The following ST3GAL1 variants were observed in gnomAD, a reference collection of about 807,000 sequenced individuals.
ST3GAL1 encodes ST3 beta-galactoside alpha-2,3-sialyltransferase 1, also known as CMP-N-acetylneuraminate-beta-galactosamide-alpha-2,3-sialyltransferase 1.
Under a neutral mutation model 34.1 loss-of-function variants are expected in ST3GAL1, and 16 were observed. The observed-to-expected ratio is 0.47, with a 90% CI of 0.32 to 0.71. ST3GAL1 has a LOEUF of 0.71. Among genes scored for constraint, ST3GAL1 ranks in the 30% least tolerant of loss-of-function variants. The pLI, the probability that ST3GAL1 is intolerant of heterozygous loss-of-function variation, is 0.04. For synonymous variants in ST3GAL1, 191 were observed against 184.7 expected, an observed-to-expected ratio of 1.03 and a Z score of -0.28; for missense variants, 353 against 447.4, an observed-to-expected ratio of 0.79 and a Z score of 1.90.
intron 1 of ST3GAL1, among the ~76,000 whole-genome samples, chr8:133,552,708 T>C (rs1302332179): frequency 2.0e-5 from 3 of 152,158 alleles, no homozygotes; most frequent in African/African-American, 7.2e-5. Context: ...ATAACCTCTC[T>C]CTCTGAAATG....
intron 1 of ST3GAL1, among the ~76,000 whole-genome samples, chr8:133,552,613 A>G (rs954033012): frequency 1.3e-5 from 2 of 152,198 alleles, no homozygotes; most frequent in Admixed American, 6.5e-5. Flanking sequence ...CCAGAGGCCA[A>G]CTTGGCTGAT....
At chr8:133,541,120 T>G (rs201249451) in intron 2 of ST3GAL1, among the ~76,000 whole-genome samples, 32,566 of 48,548 alleles carry the variant, frequency 0.67, 11,566 homozygotes, top group Middle Eastern at 0.85. Context: ...TATATATATA[T>G]AGAGAGAGAG....
At chr8:133,541,102 T>TAAACATATATATATATATATAAAC (rs1818506962) in intron 2 of ST3GAL1, among the ~76,000 whole-genome samples, 2 of 44,002 alleles carry the variant, frequency 4.5e-5, no homozygotes, top group African/African-American at 3.1e-4. Context: ...TAAACATATA[T>TAAACATATATATATATATATAAAC]ATATATATAT....
intron 2 of ST3GAL1, among the ~76,000 whole-genome samples, chr8:133,535,525 A>ATTTTT (rs112708766): frequency 6.9e-6 from 1 of 144,936 alleles, no homozygotes; most frequent in African/African-American, 2.7e-5. Flanking sequence ...GTATTTTTTA[A>ATTTTT]TTTTTTTTTT....
At chr8:133,463,323 G>C in intron 8 of ST3GAL1, 91 bp downstream of exon 8, 1 of 1,447,632 alleles carries the variant, frequency 6.9e-7, no homozygotes, top group Non-Finnish European at 9.6e-7. Flanking sequence ...GGGATCTGGG[G>C]GCTGTCTTGC....
At chr8:133,472,394 T>A (rs1256266392) in intron 5 of ST3GAL1, among the ~76,000 whole-genome samples, 1 of 152,070 alleles carries the variant, frequency 6.6e-6, no homozygotes, top group East Asian at 1.9e-4. Context: ...CATGATTAAT[T>A]ATCTCCCACC....
chr8:133,518,528 T>C (rs1175136170), intron 2 of ST3GAL1, among the ~76,000 whole-genome samples: 1 of 152,204 alleles, frequency 6.6e-6, no homozygotes, highest in Non-Finnish European at 1.5e-5. Flanking sequence ...ATTTGATGCT[T>C]AAATCTTATC....
chr8:133,522,716 T>A (rs1478187943), intron 2 of ST3GAL1, among the ~76,000 whole-genome samples: 2 of 152,118 alleles, frequency 1.3e-5, no homozygotes, highest in African/African-American at 4.8e-5. Flanking sequence ...AAGACAAACA[T>A]AACACTGGCC....
chr8:133,481,358 A>G (rs1015790017), intron 3 of ST3GAL1, among the ~76,000 whole-genome samples: 13 of 152,216 alleles, frequency 8.5e-5, no homozygotes, highest in African/African-American at 3.1e-4. Flanking sequence ...GTAAACCAAG[A>G]TGCTTATCAG....
intron 1 of ST3GAL1, among the ~76,000 whole-genome samples, chr8:133,564,846 C>T (rs1044022539): frequency 6.6e-6 from 1 of 152,194 alleles, no homozygotes; most frequent in Non-Finnish European, 1.5e-5. Context: ...GTAATTTGAT[C>T]ACTAAGTAAT....
intron 3 of ST3GAL1, among the ~76,000 whole-genome samples, chr8:133,479,034 C>T (rs1010989512): frequency 3.9e-5 from 6 of 152,198 alleles, no homozygotes; most frequent in Non-Finnish European, 8.8e-5. Flanking sequence ...CTACTCACTG[C>T]GTGACCATGA....
Position 133,456,774 on chromosome 8 carries a change from T to C in ST3GAL1, c.*2990A>G, listed in dbSNP as rs1437692093. The C allele has an allele frequency of 6.6e-6, 1 of 152,188 alleles. No homozygotes were observed. The highest frequency in any genetic ancestry group is 1.5e-5 in the Non-Finnish European group (1 of 68,088). 9.4% of individuals were successfully genotyped at this position (152,188 alleles called of 1,614,324 possible). A position where few individuals can be genotyped will look rare whatever the true frequency, so the allele number is the denominator to read the frequency against. ...CACCCAGGCAGCCTGCAGCTAGAGC[T>C]CGGCGCTGAGAGAGCACAGGAGAGT... On this transcript the variant is annotated 3_prime_UTR_variant, in exon 10 of 10. Transcript: ENST00000522652.
Position 133,541,120 on chromosome 8 carries a change from T to TATAGAGAGAGAGAGAGAG in ST3GAL1, c.-429+4653_-429+4654insCTCTCTCTCTCTCTCTAT, listed in dbSNP as rs71299078. Reference sequence around the variant, plus strand: ...ACATATATATATATATATATATATATAGAGAGAGAGAGAGAGAGAGAGAGA... The same window carrying TATAGAGAGAGAGAGAGAG: ...ACATATATATATATATATATATATATATAGAGAGAGAGAGAGAGAGAGAGAGAGAGAGAGAGAGAGAGA... On this transcript the variant is annotated intron_variant, in intron 2 of 9. Transcript: ENST00000522652. Among the ~76,000 whole-genome samples the TATAGAGAGAGAGAGAGAG allele has an allele frequency of 5.7e-3, 279 of 48,590 alleles. 15 individuals are homozygous for TATAGAGAGAGAGAGAGAG. The highest frequency in any genetic ancestry group is 6.6e-3 in the Non-Finnish European group (179 of 27,158). 31.9% of individuals were successfully genotyped at this position (48,590 alleles called of 152,430 possible).
chr8:133,550,764 G>A (rs1818815528), intron 1 of ST3GAL1, among the ~76,000 whole-genome samples: 1 of 152,152 alleles, frequency 6.6e-6, no homozygotes, highest in Admixed American at 6.5e-5. Flanking sequence ...CATTCCTCCT[G>A]TTCTGAACCC....
chr8:133,495,882 C>G (rs575741230), intron 3 of ST3GAL1, among the ~76,000 whole-genome samples: 1 of 152,136 alleles, frequency 6.6e-6, no homozygotes, highest in Non-Finnish European at 1.5e-5. Flanking sequence ...TGGAGTTTAA[C>G]CAAATAGAGA....
At chr8:133,549,379 G>A (rs567648247) in intron 1 of ST3GAL1, among the ~76,000 whole-genome samples, 31 of 151,450 alleles carry the variant, frequency 2.0e-4, no homozygotes, top group African/African-American at 7.5e-4. Flanking sequence ...TCCAGCCTGG[G>A]CAATAAGAGT....
chr8:133,458,390 C>G lies in ST3GAL1; in HGVS notation c.*1374G>C, dbSNP rs1316425313. On this transcript the variant is annotated 3_prime_UTR_variant, in exon 10 of 10. Coordinates refer to ENST00000522652, the MANE Select transcript of ST3GAL1 (RefSeq NM_173344.3). The stretch of plus-strand genomic sequence containing the variant: ...AAGAAGATGAGGTATGTGGCAGTTA[C>G]CATTCCTGGGATGTCCTTGACCCAG... The G allele has an allele frequency of 6.6e-6, 1 of 152,162 alleles. No individual in the cohort carries two copies. Among genetic ancestry groups the G allele is most frequent in the Non-Finnish European group, 1.5e-5 (1 of 68,024 alleles). The allele number at this position is 152,162 out of a possible 1,614,324, so 9.4% of individuals were successfully genotyped here.
intron 2 of ST3GAL1, among the ~76,000 whole-genome samples, chr8:133,531,073 T>C (rs1357114002): frequency 6.6e-6 from 1 of 151,590 alleles, no homozygotes; most frequent in African/African-American, 2.4e-5. Context: ...AACACAGCAG[T>C]GGCTGTCCCC....
Position 133,457,290 on chromosome 8 carries a change from A to G in ST3GAL1, c.*2474T>C, listed in dbSNP as rs1028046367. 3 of 152,266 alleles carry G rather than the reference A, an allele frequency of 2.0e-5. No individual in the cohort carries two copies. Among genetic ancestry groups the G allele is most frequent in the Non-Finnish European group, 1.5e-5 (1 of 68,104 alleles). 9.4% of individuals were successfully genotyped at this position (152,266 alleles called of 1,614,324 possible). A position where few individuals can be genotyped will look rare whatever the true frequency, so the allele number is the denominator to read the frequency against. ...CTGGCTCAGACGCAGACACATCTTC[A>G]TGTTGAGGGACCTATTCTTACACAG... On this transcript the variant is annotated 3_prime_UTR_variant, in exon 10 of 10. Transcript: ENST00000522652.
Sources: gnomAD v4.1 joint callset for allele counts (sites outside exome capture counted in the v4.1 genomes callset) on GRCh38, gnomAD v4.1.1 for gene constraint, MANE v1.5 for transcripts, NCBI Gene and HGNC (gene_info 2026-07-23, HGNC 2026-07-21) for gene names.